The following ANXA10 variants were observed in gnomAD, a reference collection of about 807,000 sequenced individuals.
ANXA10 encodes annexin A10.
Under a neutral mutation model 53.5 loss-of-function variants are expected in ANXA10, and 49 were observed. The ratio of observed to expected loss-of-function variants is 0.92; its 90% CI spans 0.73 to 1.16. ANXA10 has a LOEUF of 1.16. Ranked by LOEUF, ANXA10 falls within the 50% of genes most tolerant of loss-of-function variation. ANXA10 has a pLI of 0.00. For synonymous variants in ANXA10, 131 were observed against 128.9 expected, an observed-to-expected ratio of 1.02 and a Z score of -0.11; for missense variants, 393 against 394.4, an observed-to-expected ratio of 1.00 and a Z score of 0.03.
intron 3 of ANXA10, among the ~76,000 whole-genome samples, chr4:168,140,164 A>C (rs1245492273): frequency 1.3e-5 from 2 of 152,250 alleles, no homozygotes; most frequent in Non-Finnish European, 2.9e-5. Context: ...CAAAGCAAGT[A>C]CCATTAAAGA....
chr4:168,111,135 C>T (rs764656894), intron 1 of ANXA10, among the ~76,000 whole-genome samples: 24 of 152,180 alleles, frequency 1.6e-4, no homozygotes, highest in Non-Finnish European at 2.9e-4. Context: ...AATCACCATT[C>T]ATCTAAGGTT....
chr4:168,128,203 A>AT (rs768983185), intron 2 of ANXA10, 38 bp downstream of exon 2: 3 of 1,560,454 alleles, frequency 1.9e-6, no homozygotes, highest in Admixed American at 1.7e-5. Flanking sequence ...TATTGTGATT[A>AT]TTTTTTGCTT....
intron 9 of ANXA10, among the ~76,000 whole-genome samples, chr4:168,180,717 G>T (rs1732223803): frequency 6.6e-6 from 1 of 152,144 alleles, no homozygotes; most frequent in Admixed American, 6.5e-5. Flanking sequence ...TAAACTACCA[G>T]GGAAATACTG....
chr4:168,095,385 C>A (rs1730525452), intron 1 of ANXA10, among the ~76,000 whole-genome samples: 1 of 151,896 alleles, frequency 6.6e-6, no homozygotes, highest in Non-Finnish European at 1.5e-5. Context: ...CCTTTTGACA[C>A]CTTTTCCTAC....
At chr4:168,147,276 C>A (rs1731421583) in intron 3 of ANXA10, among the ~76,000 whole-genome samples, 1 of 152,144 alleles carries the variant, frequency 6.6e-6, no homozygotes, top group Non-Finnish European at 1.5e-5. Context: ...GGTCACAAGG[C>A]CTCCATGGAT....
chr4:168,176,348 T>G (rs972263461), intron 6 of ANXA10, among the ~76,000 whole-genome samples: 2 of 152,142 alleles, frequency 1.3e-5, no homozygotes, highest in African/African-American at 2.4e-5. Context: ...ACTGACCAGT[T>G]TGGTCAGAGA....
At chr4:168,112,386 A>G (rs1271835201) in intron 1 of ANXA10, among the ~76,000 whole-genome samples, 1 of 152,188 alleles carries the variant, frequency 6.6e-6, no homozygotes, top group Non-Finnish European at 1.5e-5. Flanking sequence ...TTTCATTTAG[A>G]AACAAACACC....
At chr4:168,127,944 C>T in intron 1 of ANXA10, 140 bp from the exon 2 acceptor site, 1 of 560,544 alleles carries the variant, frequency 1.8e-6, no homozygotes, top group East Asian at 3.9e-5. Context: ...GGTTGGTCTT[C>T]AACTCCTGAC....
chr4:168,141,961 T>C (rs185212289), intron 3 of ANXA10, among the ~76,000 whole-genome samples: 49 of 152,246 alleles, frequency 3.2e-4, no homozygotes, highest in African/African-American at 1.1e-3. Flanking sequence ...GAATTCTATC[T>C]AATGGCTGCA....
chr4:168,106,978 A>G (rs1261859554), intron 1 of ANXA10, among the ~76,000 whole-genome samples: 1 of 152,172 alleles, frequency 6.6e-6, no homozygotes, highest in Non-Finnish European at 1.5e-5. Flanking sequence ...GAGATGCCTC[A>G]AAGATGGAGG....
intron 1 of ANXA10, among the ~76,000 whole-genome samples, chr4:168,094,938 T>A (rs188505960): frequency 1.3e-5 from 2 of 152,180 alleles, no homozygotes; most frequent in East Asian, 3.9e-4. Flanking sequence ...ACTTATGTGC[T>A]TGACTGTAAG....
At chr4:168,181,832 T>G in intron 10 of ANXA10, 91 bp downstream of exon 10, 2 of 998,336 alleles carry the variant, frequency 2.0e-6, no homozygotes, top group Non-Finnish European at 3.1e-6. Flanking sequence ...AAATGTTCAT[T>G]ACCATTTTTG....
intron 3 of ANXA10, among the ~76,000 whole-genome samples, chr4:168,147,279 C>T (rs1731421646): frequency 6.6e-6 from 1 of 152,154 alleles, no homozygotes; most frequent in South Asian, 2.1e-4. Flanking sequence ...CACAAGGCCT[C>T]CATGGATCAG....
chr4:168,154,010 A>G (rs1324435263), intron 3 of ANXA10, among the ~76,000 whole-genome samples: 1 of 150,948 alleles, frequency 6.6e-6, no homozygotes, highest in Non-Finnish European at 1.5e-5. Flanking sequence ...ACACGCACAC[A>G]CGCGCGCGCG....
chr4:168,181,665 C>A lies in ANXA10; in HGVS notation c.725-18C>A. The A allele has an allele frequency of 6.3e-7, 1 of 1,588,996 alleles. No individual in the cohort carries two copies. The highest frequency in any genetic ancestry group is 1.1e-5 in the South Asian group (1 of 90,266). ...TTTCACTCTCAATGTTTCTTCTTCT[C>A]TCTCTGATTTCTCCTAGTTCTCTGT... On this transcript the variant is annotated intron_variant, in intron 9 of 11. Coordinates refer to ENST00000359299, the MANE Select transcript of ANXA10 (RefSeq NM_007193.5).
intron 3 of ANXA10, among the ~76,000 whole-genome samples, chr4:168,158,420 A>G (rs1197968439): frequency 2.6e-5 from 4 of 152,146 alleles, no homozygotes; most frequent in Non-Finnish European, 5.9e-5. Flanking sequence ...TAAGGTTTTT[A>G]TTTCAAAGAA....
At chr4:168,160,472 G>A (rs1731762528) in intron 3 of ANXA10, among the ~76,000 whole-genome samples, 2 of 152,038 alleles carry the variant, frequency 1.3e-5, no homozygotes, top group African/African-American at 4.8e-5. Context: ...TGGGCATTTA[G>A]GCTGATTATG....
At chr4:168,144,771 T>C (rs752919934) in intron 3 of ANXA10, among the ~76,000 whole-genome samples, 6 of 152,194 alleles carry the variant, frequency 3.9e-5, no homozygotes, top group Non-Finnish European at 5.9e-5. Flanking sequence ...TGAATTCCTA[T>C]GTCCACTTTT....
At chr4:168,165,211 T>A (rs1162467295) in intron 5 of ANXA10, 36 bp from the exon 6 acceptor site, 1 of 1,363,068 alleles carries the variant, frequency 7.3e-7, no homozygotes, top group African/African-American at 1.5e-5. Context: ...CATAGTTCTA[T>A]AATAAATCAT....
Sources: allele counts gnomAD v4.1 joint callset (sites outside exome capture counted in the v4.1 genomes callset), GRCh38; gene constraint gnomAD v4.1.1; transcripts MANE v1.5; gene names NCBI Gene and HGNC (gene_info 2026-07-23, HGNC 2026-07-21).